The following FBXO32 variants were observed in gnomAD, a reference collection of about 807,000 sequenced individuals.
FBXO32 encodes F-box only protein 32.
In FBXO32, 15 loss-of-function variants were observed where a neutral mutation model predicts 48.3. The ratio of observed to expected loss-of-function variants is 0.31; its 90% CI spans 0.21 to 0.48. The LOEUF (loss-of-function observed/expected upper bound fraction) is 0.48. Among genes scored for constraint, FBXO32 ranks in the 20% least tolerant of loss-of-function variants. The pLI is 0.99. For missense variants in FBXO32, 309 were observed against 432.7 expected (o/e 0.71, Z 2.54); for synonymous variants, 154 against 165.9 (o/e 0.93, Z 0.55).
chr8:123,513,498 G>A lies in FBXO32; in HGVS notation c.467-116C>T, dbSNP rs1262176907. ...ATGTTACCCAGGCACTGCCTCTGGGGATATGGTTTTCTTCCTCACCAGTGT... is the reference window on the plus strand; with the variant it reads ...ATGTTACCCAGGCACTGCCTCTGGGAATATGGTTTTCTTCCTCACCAGTGT... On this transcript the variant is annotated intron_variant, in intron 5 of 8. Coordinates refer to ENST00000517956, the MANE Select transcript of FBXO32 (RefSeq NM_058229.4). The surrounding 1 kb of genome is among the most constrained non-coding windows in gnomAD (Gnocchi z 4.3). 5.7e-6 allele frequency: 5 copies of A among 882,512 alleles called. No homozygotes were observed. The highest frequency in any genetic ancestry group is 2.7e-5 in the East Asian group (1 of 37,428). 54.7% of individuals were successfully genotyped at this position (882,512 alleles called of 1,614,324 possible). A position where few individuals can be genotyped will look rare whatever the true frequency, so the allele number is the denominator to read the frequency against.
chr8:123,538,521 C>A (rs930425533), intron 1 of FBXO32, among the ~76,000 whole-genome samples: 1 of 152,084 alleles, frequency 6.6e-6, no homozygotes, highest in Non-Finnish European at 1.5e-5. Context: ...GGAAACATCA[C>A]CAAGACCAAA....
intron 4 of FBXO32, among the ~76,000 whole-genome samples, chr8:123,514,656 A>G (rs907061722): frequency 6.6e-6 from 1 of 152,222 alleles, no homozygotes; most frequent in Non-Finnish European, 1.5e-5. Flanking sequence ...ATCTCCCATG[A>G]CCTGTGAATG....
At chr8:123,509,264 A>G (rs1481931519) in intron 6 of FBXO32, among the ~76,000 whole-genome samples, 2 of 152,230 alleles carry the variant, frequency 1.3e-5, no homozygotes, top group Admixed American at 1.3e-4. Context: ...CTGAAAGTTG[A>G]CTTTATATTT....
chr8:123,507,959 C>T (rs1563919825), intron 6 of FBXO32, among the ~76,000 whole-genome samples: 1 of 152,162 alleles, frequency 6.6e-6, no homozygotes, highest in Non-Finnish European at 1.5e-5. Context: ...TGGGAATCCG[C>T]ATATGTATTT....
rs1200780567 is a variant in FBXO32 at position 123,536,370 on chromosome 8, G to T, written c.117-1556C>A. ...TTGGGCCAGGCTTTGTACAACACAT[G>T]AGTGTGTTTCTGTCTATTTGCATGA... On this transcript the variant is annotated intron_variant, in intron 1 of 8. Transcript: ENST00000517956. 2.0e-5 allele frequency among the ~76,000 whole-genome samples: 3 copies of T among 152,274 alleles called. No individual in the cohort carries two copies. In the East Asian group the frequency reaches 5.8e-4, roughly 29 times the overall value.
chr8:123,523,455 T>C lies in FBXO32; in HGVS notation c.372+8443A>G, dbSNP rs190372232. 8.3e-4 allele frequency among the ~76,000 whole-genome samples: 127 copies of C among 152,218 alleles called. 4 individuals are homozygous for C. The East Asian group carries it at 0.024, about 29-fold the overall frequency. On this transcript the variant is annotated intron_variant, in intron 4 of 8. Coordinates refer to ENST00000517956, the MANE Select transcript of FBXO32 (RefSeq NM_058229.4). The stretch of plus-strand genomic sequence containing the variant: ...AAATACATAAATTAGCCGGGCATGG[T>C]GGCGGGCACCTGTAATCCCAGCTAC...
In FBXO32 at chr8:123,540,753, G is replaced by C. The variant is rs1199356083; in HGVS notation, c.116+146C>G. 3.2e-6 allele frequency: 2 copies of C among 628,246 alleles called. No individual in the cohort carries two copies. Among genetic ancestry groups the C allele is most frequent in the Admixed American group, 5.4e-5 (2 of 36,836 alleles). 38.9% of individuals were successfully genotyped at this position (628,246 alleles called of 1,614,324 possible). On this transcript the variant is annotated intron_variant, in intron 1 of 8. Coordinates refer to ENST00000517956, the MANE Select transcript of FBXO32 (RefSeq NM_058229.4). This position sits in a 1 kb window ranked among gnomAD's most constrained non-coding sequence, Gnocchi z 6.4. Reference sequence around the variant, plus strand: ...TGGTCCGAAGACCTCTGCAGAAATCGGGCCCCGTAGTCCCACCCTCCGGGT... The same window carrying C: ...TGGTCCGAAGACCTCTGCAGAAATCCGGCCCCGTAGTCCCACCCTCCGGGT...
chr8:123,510,784 C>A (rs1469551733), intron 6 of FBXO32, among the ~76,000 whole-genome samples: 3 of 152,208 alleles, frequency 2.0e-5, no homozygotes, highest in Non-Finnish European at 4.4e-5. Context: ...CGGCTCTGTG[C>A]CAGGAACAGG....
chr8:123,536,132 C>T (rs964801879), intron 1 of FBXO32, among the ~76,000 whole-genome samples: 2 of 152,178 alleles, frequency 1.3e-5, no homozygotes, highest in Non-Finnish European at 2.9e-5. Flanking sequence ...CTCAGTGTTG[C>T]TTTTCTGGAC....
intron 6 of FBXO32, among the ~76,000 whole-genome samples, chr8:123,507,050 CTCCCCA>C (rs1227740006): frequency 6.6e-6 from 1 of 152,134 alleles, no homozygotes; most frequent in Non-Finnish European, 1.5e-5. Context: ...ATGCCTTCGC[CTCCCCA>C]GTCTTCTCTG....
chr8:123,509,525 C>T (rs576333212), intron 6 of FBXO32, among the ~76,000 whole-genome samples: 12 of 151,972 alleles, frequency 7.9e-5, no homozygotes, highest in South Asian at 2.1e-4. Context: ...GATGGTGAAA[C>T]GCCATCCCTA....
At chr8:123,521,829 C>T (rs1470151917) in intron 4 of FBXO32, among the ~76,000 whole-genome samples, 1 of 152,092 alleles carries the variant, frequency 6.6e-6, no homozygotes, top group Non-Finnish European at 1.5e-5. Flanking sequence ...ATGCTCAATA[C>T]CCAAGTTGGG....
Position 123,501,349 on chromosome 8 carries a change from G to C in FBXO32, c.*2024C>G. ...CATTCCCAATGTGAAATTGGTTCAG[G>C]GGGAGAGGGATTGCAAAAAAAAAAC... On this transcript the variant is annotated 3_prime_UTR_variant, in exon 9 of 9. Coordinates refer to ENST00000517956, the MANE Select transcript of FBXO32 (RefSeq NM_058229.4). 7.5e-6 allele frequency: 1 copy of C among 133,352 alleles called. No individual in the cohort carries two copies. The highest frequency in any genetic ancestry group is 1.6e-5 in the Non-Finnish European group (1 of 60,972). 8.3% of individuals were successfully genotyped at this position (133,352 alleles called of 1,614,324 possible).
intron 4 of FBXO32, among the ~76,000 whole-genome samples, chr8:123,531,011 C>A (rs10101306): frequency 8.0e-6 from 1 of 124,334 alleles, no homozygotes; most frequent in African/African-American, 3.1e-5. Flanking sequence ...TGGAGTCTCA[C>A]TCCTGTTGCC....
At chr8:123,527,229 T>C (rs1178336657) in intron 4 of FBXO32, 3 of 152,228 alleles carry the variant, frequency 2.0e-5, no homozygotes, top group Admixed American at 2.0e-4. Flanking sequence ...ATTTCATCTA[T>C]TTCCCTCACT....
chr8:123,529,330 A>C (rs1817153263), intron 4 of FBXO32, among the ~76,000 whole-genome samples: 1 of 152,230 alleles, frequency 6.6e-6, no homozygotes, highest in African/African-American at 2.4e-5. Context: ...AGTAGAAAAC[A>C]TTTTAATCAA....
chr8:123,520,351 G>C (rs1456069200), intron 4 of FBXO32, among the ~76,000 whole-genome samples: 6 of 152,048 alleles, frequency 3.9e-5, no homozygotes, highest in Admixed American at 2.0e-4. Context: ...GAGGCTTCTC[G>C]GCTCCTCTGG....
chr8:123,506,377 C>G lies in FBXO32; in HGVS notation c.834+15G>C. 1 of 1,611,930 alleles carries G rather than the reference C, an allele frequency of 6.2e-7. No homozygotes were observed. The highest frequency in any genetic ancestry group is 2.2e-5 in the East Asian group (1 of 44,840). ...AGAAGGAGGGTGGGAGGAAAGCCCACTGGGCCTTGCTGACCTGCCGCTCGG... is the reference window on the plus strand; with the variant it reads ...AGAAGGAGGGTGGGAGGAAAGCCCAGTGGGCCTTGCTGACCTGCCGCTCGG... On this transcript the variant is annotated intron_variant, in intron 7 of 8. Transcript: ENST00000517956. This position sits in a 1 kb window ranked among gnomAD's most constrained non-coding sequence, Gnocchi z 4.0.
chr8:123,532,100 G>C (rs1817222334), intron 3 of FBXO32, 110 bp from the exon 4 acceptor site: 2 of 1,518,634 alleles, frequency 1.3e-6, no homozygotes, highest in Non-Finnish European at 1.8e-6. Context: ...TGAGCTTGAT[G>C]CCTGTCTTAG....
Sources: gnomAD v4.1 joint callset for allele counts (sites outside exome capture counted in the v4.1 genomes callset) on GRCh38, gnomAD v4.1.1 for gene constraint, Gnocchi (gnomAD v3.1) non-coding constraint, MANE v1.5 for transcripts, NCBI Gene and HGNC (gene_info 2026-07-23, HGNC 2026-07-21) for gene names.